NRXN2: variants seen among roughly 807,000 people sequenced by gnomAD.
NRXN2 encodes neurexin 2, also known as neurexin-2-beta.
Under a neutral mutation model 128.8 loss-of-function variants are expected in NRXN2, and 29 were observed. The observed-to-expected ratio is 0.23, with a 90% CI of 0.17 to 0.31. The LOEUF (loss-of-function observed/expected upper bound fraction) is 0.31, where lower values mean the gene tolerates loss of function less well. NRXN2 is among the 10% of genes least tolerant of loss of function. The probability of loss-of-function intolerance (pLI) is 1.00; values close to 1 mark genes in which losing one functional copy is unlikely to be tolerated. For missense variants in NRXN2, 1,881 were observed against 2,452.6 expected (o/e 0.77, Z 4.92); for synonymous variants, 1,098 against 1,075.2 (o/e 1.02, Z -0.41).
intron 1 of NRXN2, among the ~76,000 whole-genome samples, chr11:64,715,805 C>G (rs1431804756): frequency 6.6e-6 from 1 of 152,184 alleles, no homozygotes; most frequent in African/African-American, 2.4e-5. Flanking sequence ...CAAACACTGT[C>G]GGGTTATATA....
chr11:64,628,545 A>G lies in NRXN2; in HGVS notation c.3757+1857T>C, dbSNP rs191591842. 4.9e-4 allele frequency among the ~76,000 whole-genome samples: 74 copies of G among 152,120 alleles called. No homozygotes were observed. In the East Asian group the frequency reaches 0.01, roughly 21 times the overall value. On this transcript the variant is annotated intron_variant, in intron 19 of 22. Coordinates refer to ENST00000265459, the MANE Select transcript of NRXN2 (RefSeq NM_015080.4). Reference sequence around the variant, plus strand: ...CTAGTCAGGGGTCCCTGAGGAGAGGAGAGCAGGAATAATTCTTCCACCCTG... The same window carrying G: ...CTAGTCAGGGGTCCCTGAGGAGAGGGGAGCAGGAATAATTCTTCCACCCTG...
At chr11:64,691,653 C>A (rs2053818898) in intron 4 of NRXN2, among the ~76,000 whole-genome samples, 1 of 152,148 alleles carries the variant, frequency 6.6e-6, no homozygotes, top group Non-Finnish European at 1.5e-5. Context: ...ACAGCCAGCA[C>A]CCATAGAACC....
At chr11:64,691,398 G>A (rs780800371) in intron 4 of NRXN2, among the ~76,000 whole-genome samples, 8 of 152,038 alleles carry the variant, frequency 5.3e-5, no homozygotes, top group South Asian at 2.1e-4. Flanking sequence ...ACCTCTCCCC[G>A]CTCCAGTGAA....
At chr11:64,608,513 CT>C (rs1223850477) in intron 22 of NRXN2, among the ~76,000 whole-genome samples, 1 of 62,512 alleles carries the variant, frequency 1.6e-5, no homozygotes, top group East Asian at 4.2e-4. Context: ...TTTTTTTTTG[CT>C]TTTGTTTTTA....
chr11:64,637,843 T>C (rs1591674754), intron 17 of NRXN2, among the ~76,000 whole-genome samples: 1 of 152,026 alleles, frequency 6.6e-6, no homozygotes, highest in East Asian at 1.9e-4. Context: ...CACATCACCA[T>C]GGACAGAGCC....
Position 64,661,043 on chromosome 11 carries a change from G to A in NRXN2, c.1895C>T (p.Pro632Leu), listed in dbSNP as rs2048959852. 1.9e-6 allele frequency: 3 copies of A among 1,613,386 alleles called. No homozygotes were observed. Among genetic ancestry groups the A allele is most frequent in the Non-Finnish European group, 2.5e-6 (3 of 1,180,012 alleles). The change falls in exon 10 of 23, where the codon CCT becomes CTT. Residue 632 changes from proline (P) to leucine (L), a missense_variant. Physicochemically the swap from Pro to Leu is moderately conservative, Grantham distance 98. Coordinates refer to ENST00000265459, the MANE Select transcript of NRXN2 (RefSeq NM_015080.4). ...GGGCAGGTCCACCCGGCCCCCCTCAGGGAGACCGCCCAGGTACAGCTCACT... is the reference window on the plus strand; with the variant it reads ...GGGCAGGTCCACCCGGCCCCCCTCAAGGAGACCGCCCAGGTACAGCTCACT... The part of the protein sequence containing the change: ...LESELYLGGL[P>L]EGGRVDLPLP...
At chr11:64,614,977 C>G (rs1236960342) in intron 22 of NRXN2, among the ~76,000 whole-genome samples, 1 of 152,182 alleles carries the variant, frequency 6.6e-6, no homozygotes, top group Non-Finnish European at 1.5e-5. Context: ...TGAAACGGAT[C>G]CTTGATGACC....
At chr11:64,624,690 A>G (rs1238886420) in intron 20 of NRXN2, among the ~76,000 whole-genome samples, 1 of 152,218 alleles carries the variant, frequency 6.6e-6, no homozygotes. Flanking sequence ...AAACTAATGC[A>G]CATATGCATC....
chr11:64,640,594 G>A (rs1240287756), intron 17 of NRXN2, among the ~76,000 whole-genome samples: 2 of 152,114 alleles, frequency 1.3e-5, no homozygotes, highest in Admixed American at 1.3e-4. Flanking sequence ...CAGGAGCAAG[G>A]GGTTGGGTGG....
chr11:64,715,532 G>T (rs899323579), intron 1 of NRXN2, among the ~76,000 whole-genome samples: 7 of 152,198 alleles, frequency 4.6e-5, no homozygotes, highest in Non-Finnish European at 1.0e-4. Flanking sequence ...ACCATAGTGA[G>T]GGGGCGTCTG....
chr11:64,650,872 C>T (rs987935610), intron 14 of NRXN2, among the ~76,000 whole-genome samples: 1 of 152,140 alleles, frequency 6.6e-6, no homozygotes, highest in Admixed American at 6.5e-5. Context: ...TGTGACACAA[C>T]CTCAGAAGAG....
At chr11:64,679,030 G>A (rs997017446) in intron 6 of NRXN2, among the ~76,000 whole-genome samples, 1 of 152,198 alleles carries the variant, frequency 6.6e-6, no homozygotes, top group Admixed American at 6.5e-5. Flanking sequence ...GTGCAGTGAT[G>A]GGAGTCAGGG....
At chr11:64,653,631 T>G in intron 12 of NRXN2, 65 bp downstream of exon 12, 1 of 1,481,430 alleles carries the variant, frequency 6.8e-7, no homozygotes, top group Non-Finnish European at 9.3e-7. Flanking sequence ...CCTCCCTCCC[T>G]AAATCCCAGC....
At chr11:64,629,558 C>A (rs2043568707) in intron 19 of NRXN2, among the ~76,000 whole-genome samples, 1 of 152,148 alleles carries the variant, frequency 6.6e-6, no homozygotes, top group Non-Finnish European at 1.5e-5. Flanking sequence ...AGAGTCTCTG[C>A]CTCCTCATTT....
intron 17 of NRXN2, among the ~76,000 whole-genome samples, chr11:64,647,453 T>C (rs993780067): frequency 3.3e-5 from 5 of 152,152 alleles, no homozygotes; most frequent in Non-Finnish European, 7.4e-5. Context: ...GCCCTCCCTC[T>C]GCAGGGCTCT....
chr11:64,674,491 T>A (rs475704), intron 7 of NRXN2, among the ~76,000 whole-genome samples: 1 of 152,080 alleles, frequency 6.6e-6, no homozygotes, highest in African/African-American at 2.4e-5. Context: ...GCAGGTTGTT[T>A]GCTTCTTAAC....
chr11:64,714,863 C>G lies in NRXN2; in HGVS notation c.-244-920G>C, dbSNP rs946413184. On this transcript the variant is annotated intron_variant, in intron 1 of 22. Transcript: ENST00000265459. This position sits in a 1 kb window ranked among gnomAD's most constrained non-coding sequence, Gnocchi z 4.5. The stretch of plus-strand genomic sequence containing the variant: ...TCAGAGAGCAATTTATACCCCACGC[C>G]GGGGAGGGGAATTTGCATCTCGTTA... 6.6e-6 allele frequency among the ~76,000 whole-genome samples: 1 copy of G among 152,064 alleles called. No homozygotes were observed. Among genetic ancestry groups the G allele is most frequent in the East Asian group, 1.9e-4 (1 of 5,186 alleles).
chr11:64,656,862 C>T (rs1355191428), intron 11 of NRXN2, among the ~76,000 whole-genome samples: 2 of 152,178 alleles, frequency 1.3e-5, no homozygotes, highest in African/African-American at 2.4e-5. Context: ...GCAGGAGGCA[C>T]GATAAGTTCC....
chr11:64,642,482 G>A (rs2045847356), intron 17 of NRXN2: 13 of 1,552,706 alleles, frequency 8.4e-6, no homozygotes, highest in South Asian at 1.2e-5. Flanking sequence ...TGCGCACACG[G>A]GAAGCGCCCC....
Sources: gnomAD v4.1 joint callset for allele counts (sites outside exome capture counted in the v4.1 genomes callset) on GRCh38, gnomAD v4.1.1 for gene constraint, Gnocchi (gnomAD v3.1) non-coding constraint, MANE v1.5 for transcripts, NCBI Gene and HGNC (gene_info 2026-07-23, HGNC 2026-07-21) for gene names.